Variants in PLXNA4 observed in about 807,000 individuals in gnomAD.
The protein encoded by PLXNA4 is plexin A4.
A neutral mutation model predicts 191.8 loss-of-function variants in PLXNA4; 44 were observed. The observed-to-expected ratio is 0.23, with a 90% confidence interval of 0.18 to 0.29. PLXNA4 has a LOEUF of 0.29. Ranked by LOEUF, PLXNA4 falls within the 10% of genes least tolerant of loss-of-function variation. PLXNA4 has a pLI of 1.00. For synonymous variants in PLXNA4, 1,082 were observed against 1,009.5 expected (o/e 1.07, Z -1.36); for missense variants, 1,800 against 2,488.8 (o/e 0.72, Z 5.89).
intron 1 of PLXNA4, among the ~76,000 whole-genome samples, chr7:132,553,329 C>A (rs140206940): frequency 1.3e-5 from 2 of 152,128 alleles, no homozygotes; most frequent in South Asian, 4.1e-4. Flanking sequence ...CACATTACTG[C>A]GAATGGTATT....
chr7:132,431,581 T>A (rs1359048572), intron 3 of PLXNA4, among the ~76,000 whole-genome samples: 1 of 152,092 alleles, frequency 6.6e-6, no homozygotes, highest in African/African-American at 2.4e-5. Flanking sequence ...CACAGGAGTG[T>A]CACAGCATTC....
intron 25 of PLXNA4, among the ~76,000 whole-genome samples, chr7:132,149,665 A>G (rs1334195115): frequency 6.6e-6 from 1 of 152,216 alleles, no homozygotes; most frequent in Non-Finnish European, 1.5e-5. Flanking sequence ...GATCCTGCTC[A>G]ATGCCTCTCA....
intron 3 of PLXNA4, among the ~76,000 whole-genome samples, chr7:132,411,606 T>C (rs574255309): frequency 2.0e-5 from 3 of 152,198 alleles, no homozygotes; most frequent in African/African-American, 7.2e-5. Flanking sequence ...TCTGCCACCA[T>C]CTGAGCACGA....
chr7:132,437,140 T>G (rs1046887975), intron 3 of PLXNA4, among the ~76,000 whole-genome samples: 1 of 152,206 alleles, frequency 6.6e-6, no homozygotes, highest in Non-Finnish European at 1.5e-5. Context: ...AGTCCTCAGA[T>G]GAAAATGGCT....
chr7:132,478,043 G>A (rs1257093858), intron 3 of PLXNA4, among the ~76,000 whole-genome samples: 1 of 152,212 alleles, frequency 6.6e-6, no homozygotes, highest in East Asian at 1.9e-4. Context: ...GAAGCCATCA[G>A]TACTATCAGC....
intron 4 of PLXNA4, among the ~76,000 whole-genome samples, chr7:132,247,775 T>G (rs967919380): frequency 6.6e-6 from 1 of 152,130 alleles, no homozygotes; most frequent in Admixed American, 6.5e-5. Flanking sequence ...GGGCTGCAAT[T>G]TGTGGTTGAG....
intron 3 of PLXNA4, among the ~76,000 whole-genome samples, chr7:132,382,246 C>T (rs765842261): frequency 4.6e-5 from 7 of 152,134 alleles, no homozygotes; most frequent in Non-Finnish European, 1.0e-4. Flanking sequence ...AGAGCACAGC[C>T]AATTGCAGGA....
intron 4 of PLXNA4, among the ~76,000 whole-genome samples, chr7:132,253,034 A>G (rs936523564): frequency 6.6e-6 from 1 of 152,218 alleles, no homozygotes; most frequent in African/African-American, 2.4e-5. Flanking sequence ...CGTGCAAAGA[A>G]TAACTTCTAG....
At chr7:132,415,006 G>T (rs560776544) in intron 3 of PLXNA4, among the ~76,000 whole-genome samples, 2 of 152,074 alleles carry the variant, frequency 1.3e-5, no homozygotes, top group Non-Finnish European at 2.9e-5. Context: ...CCCTTTCCCC[G>T]ACCTCTACCA....
intron 31 of PLXNA4, among the ~76,000 whole-genome samples, chr7:132,131,745 C>T (rs79207161): frequency 0.031 from 4,757 of 152,334 alleles, 249 homozygotes; most frequent in African/African-American, 0.11. Flanking sequence ...CTGGTGCACA[C>T]TATAGCATCC....
chr7:132,438,085 C>G (rs992549325), intron 3 of PLXNA4, among the ~76,000 whole-genome samples: 1 of 152,136 alleles, frequency 6.6e-6, no homozygotes, highest in Non-Finnish European at 1.5e-5. Context: ...CTGGTACACC[C>G]TATGCAGGAA....
intron 3 of PLXNA4, among the ~76,000 whole-genome samples, chr7:132,413,303 C>A (rs186808740): frequency 5.9e-5 from 9 of 152,264 alleles, no homozygotes; most frequent in Non-Finnish European, 1.5e-5. Flanking sequence ...CTGGAGCAGC[C>A]CAGGGGTTTG....
At chr7:132,153,942 G>A (rs1446042506) in intron 25 of PLXNA4, among the ~76,000 whole-genome samples, 3 of 152,130 alleles carry the variant, frequency 2.0e-5, no homozygotes, top group Non-Finnish European at 4.4e-5. Context: ...ACCCATCCCA[G>A]GAAGCTTCAG....
In PLXNA4 at chr7:132,128,765, G is replaced by C. The variant is rs550370112; in HGVS notation, c.*1714C>G. 2 of 152,252 alleles carry C rather than the reference G, an allele frequency of 1.3e-5. No homozygotes were observed. The highest frequency in any genetic ancestry group is 4.1e-4 in the South Asian group (2 of 4,832). The allele number at this position is 152,252 out of a possible 1,614,324, so 9.4% of individuals were successfully genotyped here. The stretch of plus-strand genomic sequence containing the variant: ...GGGCTCATTCTGAGTGGGTGACAAG[G>C]AATGATGTCTGATGTTTGGGGAGTG... On this transcript the variant is annotated 3_prime_UTR_variant, in exon 32 of 32. Transcript: ENST00000321063.
chr7:132,356,598 G>A (rs568348560), intron 3 of PLXNA4, among the ~76,000 whole-genome samples: 52 of 152,290 alleles, frequency 3.4e-4, no homozygotes, highest in South Asian at 1.5e-3. Flanking sequence ...TGCATCCACC[G>A]CTGTTGTCCA....
At chr7:132,386,375 G>A (rs1805140663) in intron 3 of PLXNA4, among the ~76,000 whole-genome samples, 1 of 152,224 alleles carries the variant, frequency 6.6e-6, no homozygotes, top group Non-Finnish European at 1.5e-5. Flanking sequence ...ACACGGGCGG[G>A]CTCCAGCTGG....
chr7:132,157,089 T>C (rs1174242096), intron 25 of PLXNA4, among the ~76,000 whole-genome samples: 1 of 152,212 alleles, frequency 6.6e-6, no homozygotes, highest in African/African-American at 2.4e-5. Flanking sequence ...GGGGATCTTA[T>C]TCCTCCAAGT....
chr7:132,229,663 G>T (rs6960687), intron 5 of PLXNA4, among the ~76,000 whole-genome samples: 1,595 of 152,260 alleles, frequency 0.01, 33 homozygotes, highest in African/African-American at 0.036. Flanking sequence ...AGGAGCTGTT[G>T]CAGGGCAGGA....
intron 3 of PLXNA4, among the ~76,000 whole-genome samples, chr7:132,465,505 T>G (rs1004782583): frequency 6.6e-6 from 1 of 152,160 alleles, no homozygotes; most frequent in Non-Finnish European, 1.5e-5. Context: ...TGGAGTGAAG[T>G]CACCTAAGGA....
Sources: allele counts gnomAD v4.1 joint callset (sites outside exome capture counted in the v4.1 genomes callset), GRCh38; gene constraint gnomAD v4.1.1; transcripts MANE v1.5; gene names NCBI Gene and HGNC (gene_info 2026-07-23, HGNC 2026-07-21).